The following PRELID2 variants were observed in gnomAD, a reference collection of about 807,000 sequenced individuals.
PRELID2 encodes PRELI domain containing 2.
In PRELID2, 25 loss-of-function variants were observed where a neutral mutation model predicts 28.4. That is an observed-to-expected ratio of 0.88 (90% CI 0.64 to 1.23). PRELID2 has a LOEUF of 1.23. Among genes scored for constraint, PRELID2 ranks in the 50% most tolerant of loss-of-function variants. The pLI is 0.00. For synonymous variants in PRELID2, 76 were observed against 71.6 expected, an observed-to-expected ratio of 1.06 and a Z score of -0.31; for missense variants, 201 against 214.4, an observed-to-expected ratio of 0.94 and a Z score of 0.39.
At chr5:145,441,860 C>G in the PRELID2 span, among the ~76,000 whole-genome samples, 31 of 152,226 alleles carry the variant, frequency 2.0e-4, no homozygotes, top group African/African-American at 7.2e-4. Flanking sequence ...ACCACTAGAA[C>G]CAACCTCCCC....
intron 1 of PRELID2, among the ~76,000 whole-genome samples, chr5:145,520,094 G>A (rs1752551460): frequency 6.6e-6 from 1 of 152,158 alleles, no homozygotes; most frequent in Non-Finnish European, 1.5e-5. Context: ...CACCTATTTA[G>A]GTGAGCTTTT....
At chr5:145,431,006 GTTTTTTTTTTTTTTTTT>G in the PRELID2 span, among the ~76,000 whole-genome samples, 4 of 55,560 alleles carry the variant, frequency 7.2e-5, no homozygotes, top group South Asian at 8.4e-4. Flanking sequence ...CCTGGCAATG[GTTTTTTTTTTTTTTTTT>G]TTTTTTTTTT....
At chr5:145,766,698 A>G (rs1214861481) in intron 5 of PRELID2, among the ~76,000 whole-genome samples, 1 of 152,154 alleles carries the variant, frequency 6.6e-6, no homozygotes, top group African/African-American at 2.4e-5. Flanking sequence ...CCACTGTCAG[A>G]GGTAGGAGAC....
the PRELID2 span, among the ~76,000 whole-genome samples, chr5:145,289,769 CTGTTT>C: frequency 6.6e-6 from 1 of 152,100 alleles, no homozygotes; most frequent in Non-Finnish European, 1.5e-5. Context: ...ATGGTACTGT[CTGTTT>C]TATCTTGTTA....
intron 1 of PRELID2, among the ~76,000 whole-genome samples, chr5:145,829,716 T>C (rs1755456601): frequency 6.6e-6 from 1 of 152,184 alleles, no homozygotes; most frequent in Admixed American, 6.5e-5. Context: ...CTTTACATCA[T>C]GCCTAATCTT....
chr5:145,245,413 AAGAGAGAG>A, the PRELID2 span, among the ~76,000 whole-genome samples: 1,823 of 148,160 alleles, frequency 0.012, 16 homozygotes, highest in Middle Eastern at 0.031. Context: ...AAGAAAGAGA[AAGAGAGAG>A]AGAGAGAGAG....
At chr5:145,243,916 C>A in the PRELID2 span, among the ~76,000 whole-genome samples, 3 of 151,948 alleles carry the variant, frequency 2.0e-5, no homozygotes, top group South Asian at 4.1e-4. Context: ...TCCTCAGCAA[C>A]TTTTACTTCC....
In PRELID2 at chr5:145,823,979, A is replaced by G. The variant is rs73794448; in HGVS notation, c.76-845T>C. ...TTTGCTCAAATTGTCCAGCTAATGA[A>G]TAGTGTATCTGGGGGGTAACATAAT... On this transcript the variant is annotated intron_variant, in intron 1 of 6. Transcript: ENST00000683046. Among the ~76,000 whole-genome samples, 460 of 152,316 alleles carry G rather than the reference A, an allele frequency of 3.0e-3. 2 individuals are homozygous for G. Among genetic ancestry groups the G allele is most frequent in the African/African-American group, 0.011 (447 of 41,558 alleles).
the PRELID2 span, among the ~76,000 whole-genome samples, chr5:145,339,362 T>C: frequency 6.6e-6 from 1 of 151,772 alleles, no homozygotes; most frequent in South Asian, 2.1e-4. Context: ...GAGAAAAGGG[T>C]AAGAGAGGAA....
At chr5:145,343,819 GA>G in the PRELID2 span, among the ~76,000 whole-genome samples, 1 of 151,560 alleles carries the variant, frequency 6.6e-6, no homozygotes, top group Admixed American at 6.6e-5. Flanking sequence ...AATCAGAAAT[GA>G]AAAAGGAAGC....
chr5:145,765,142 C>A, intron 5 of PRELID2, 142 bp from the exon 6 acceptor site: 1 of 594,650 alleles, frequency 1.7e-6, no homozygotes, highest in Non-Finnish European at 2.9e-6. Context: ...CCATACCTGA[C>A]ATTTTTTTAA....
At chr5:145,662,043 C>G (rs1002674244) in intron 1 of PRELID2, among the ~76,000 whole-genome samples, 2 of 151,910 alleles carry the variant, frequency 1.3e-5, no homozygotes, top group Non-Finnish European at 2.9e-5. Flanking sequence ...GTTTCCAAAT[C>G]ATTTTTCCCC....
At chr5:145,676,634 T>C (rs1754823130) in intron 1 of PRELID2, among the ~76,000 whole-genome samples, 1 of 152,198 alleles carries the variant, frequency 6.6e-6, no homozygotes, top group African/African-American at 2.4e-5. Flanking sequence ...TTAACCCACT[T>C]TTCCTGAGAA....
the PRELID2 span, among the ~76,000 whole-genome samples, chr5:145,250,299 G>A: frequency 6.6e-6 from 1 of 152,036 alleles, no homozygotes; most frequent in Non-Finnish European, 1.5e-5. Flanking sequence ...ATATATCTGA[G>A]TTGATGAGTA....
At chr5:145,279,710 A>T in the PRELID2 span, among the ~76,000 whole-genome samples, 1 of 152,144 alleles carries the variant, frequency 6.6e-6, no homozygotes, top group Non-Finnish European at 1.5e-5. Context: ...TTTTTGAAAC[A>T]ATTATTTAAT....
At chr5:145,664,137 T>G (rs989606633) in intron 1 of PRELID2, among the ~76,000 whole-genome samples, 1 of 152,116 alleles carries the variant, frequency 6.6e-6, no homozygotes, top group Non-Finnish European at 1.5e-5. Flanking sequence ...ATAGAGGAAG[T>G]GCTGGTAAAT....
At chr5:145,637,430 T>G (rs1754018337) in intron 1 of PRELID2, among the ~76,000 whole-genome samples, 1 of 152,014 alleles carries the variant, frequency 6.6e-6, no homozygotes, top group African/African-American at 2.4e-5. Flanking sequence ...TTCTACACTG[T>G]GCTATGTCCA....
the PRELID2 span, among the ~76,000 whole-genome samples, chr5:145,287,392 T>C: frequency 4.3e-4 from 65 of 152,290 alleles, no homozygotes; most frequent in African/African-American, 1.5e-3. Context: ...TCTCCCTTCG[T>C]CTTGTGATCT....
rs912527695 is a variant in PRELID2 at position 145,757,242 on chromosome 5, T to C, written c.*3294A>G. On this transcript the variant is annotated 3_prime_UTR_variant, in exon 7 of 7. Transcript: ENST00000683046. ...GAAAAAGAATACAGCACCTTTTTCA[T>C]CCATATATGACTGAAACTATAAAAG... Among the ~76,000 whole-genome samples, 3 of 152,218 alleles carry C rather than the reference T, an allele frequency of 2.0e-5. No homozygotes were observed. Among genetic ancestry groups the C allele is most frequent in the Non-Finnish European group, 4.4e-5 (3 of 68,046 alleles).
Sources: gnomAD v4.1 joint callset for allele counts (sites outside exome capture counted in the v4.1 genomes callset) on GRCh38, gnomAD v4.1.1 for gene constraint, MANE v1.5 for transcripts, NCBI Gene and HGNC (gene_info 2026-07-23, HGNC 2026-07-21) for gene names.